BRMS1L: variants seen among roughly 807,000 people sequenced by gnomAD.
BRMS1L encodes BRMS1 like transcriptional repressor, also known as breast cancer metastasis-suppressor 1-like protein.
Under a neutral mutation model 50.3 loss-of-function variants are expected in BRMS1L, and 23 were observed. The ratio of observed to expected loss-of-function variants is 0.46; its 90% CI spans 0.33 to 0.65. The LOEUF (loss-of-function observed/expected upper bound fraction) is 0.65, where lower values mean the gene tolerates loss of function less well. Among genes scored for constraint, BRMS1L ranks in the 30% least tolerant of loss-of-function variants. The probability of loss-of-function intolerance (pLI) is 0.02; values close to 1 mark genes in which losing one functional copy is unlikely to be tolerated. For synonymous variants in BRMS1L, 114 were observed against 126.9 expected (o/e 0.90, Z 0.69); for missense variants, 286 against 386.1 (o/e 0.74, Z 2.17).
chr14:35,865,513 A>T (rs17103586), intron 7 of BRMS1L, among the ~76,000 whole-genome samples: 4,622 of 152,200 alleles, frequency 0.03, 190 homozygotes, highest in African/African-American at 0.088. Context: ...TATTTCAGGT[A>T]TTGAAAACAC....
intron 4 of BRMS1L, among the ~76,000 whole-genome samples, chr14:35,843,507 T>A (rs780188785): frequency 1.3e-5 from 2 of 152,216 alleles, no homozygotes; most frequent in Non-Finnish European, 2.9e-5. Flanking sequence ...TTATCACCAG[T>A]GGAGGCTGCA....
At chr14:35,864,026 T>C in intron 6 of BRMS1L, 73 bp downstream of exon 6, 1 of 1,144,678 alleles carries the variant, frequency 8.7e-7, no homozygotes, top group Non-Finnish European at 1.3e-6. Flanking sequence ...TTTATAACTT[T>C]TATTTGTAAA....
intron 4 of BRMS1L, among the ~76,000 whole-genome samples, chr14:35,861,057 G>T (rs1009862745): frequency 9.2e-5 from 14 of 152,142 alleles, no homozygotes; most frequent in Non-Finnish European, 1.8e-4. Context: ...TTCAGGGGAG[G>T]TTTTTGAGTG....
rs2077847114 is a variant in BRMS1L, at chr14:35,826,647, G to A, written c.131G>A (p.Gly44Glu). The change falls in exon 1 of 10, where the codon GGA (glycine) becomes GAA (glutamate). Residue 44 changes from glycine to glutamate, a missense_variant. Physicochemically the swap from Gly to Glu is moderately conservative, Grantham distance 98. This residue lies in a region of BRMS1L where 66 missense variants were observed against 67.8 expected (regional missense o/e 0.97). Transcript: ENST00000216807. ...DTESSSVSED[G>E]DSSEMDDEDC... ...GAGAGCTCGTCGGTCTCCGAGGATGGAGATAGCTCAGGTGCGCGACCCACT... is the reference window on the plus strand; with the variant it reads ...GAGAGCTCGTCGGTCTCCGAGGATGAAGATAGCTCAGGTGCGCGACCCACT... The A allele has an allele frequency of 6.2e-7, 1 of 1,612,222 alleles. No individual in the cohort carries two copies. Among genetic ancestry groups the A allele is most frequent in the East Asian group, 2.2e-5 (1 of 44,828 alleles).
At position 35,870,979 on chromosome 14, in the gene BRMS1L, T is replaced by G. The variant is rs1403267589; in HGVS notation, c.*502T>G. The G allele has an allele frequency of 6.5e-6, 1 of 152,682 alleles. No individual in the cohort carries two copies. Among genetic ancestry groups the G allele is most frequent in the African/African-American group, 2.4e-5 (1 of 41,464 alleles). 9.5% of individuals were successfully genotyped at this position (152,682 alleles called of 1,614,324 possible). ...ATGTATATATGGCATCATCAGCTTA[T>G]TTAGAACTGATGGCCATACCTTACA... On this transcript the variant is annotated 3_prime_UTR_variant, in exon 10 of 10. Coordinates refer to ENST00000216807, the MANE Select transcript of BRMS1L (RefSeq NM_032352.4).
In BRMS1L at chr14:35,853,025, G is replaced by T. The variant is rs1376438716; in HGVS notation, c.442-9565G>T. On this transcript the variant is annotated intron_variant, in intron 4 of 9. Transcript: ENST00000216807. ...ATCTATCTATCTATCTATATATAGAGAGAGAGACTTATCATACTCACACAT... is the reference window on the plus strand; with the variant it reads ...ATCTATCTATCTATCTATATATAGATAGAGAGACTTATCATACTCACACAT... Among the ~76,000 whole-genome samples the T allele has an allele frequency of 5.1e-3, 612 of 120,730 alleles. 4 individuals are homozygous for T. The highest frequency in any genetic ancestry group is 0.023 in the African/African-American group (577 of 24,580). The allele number at this position is 120,730 out of a possible 152,430, so 79.2% of individuals were successfully genotyped here.
intron 3 of BRMS1L, 111 bp downstream of exon 3, chr14:35,833,216 A>G (rs2077947815): frequency 4.5e-6 from 5 of 1,105,444 alleles, no homozygotes; most frequent in Non-Finnish European, 3.7e-6. Context: ...GCATATTTAC[A>G]TCGACCAGAA....
At chr14:35,840,510 TG>T (rs34025089) in intron 4 of BRMS1L, among the ~76,000 whole-genome samples, 25,255 of 152,152 alleles carry the variant, frequency 0.17, 2,167 homozygotes, top group East Asian at 0.33. Context: ...GGGCTTTTTT[TG>T]GTTGGTAGGC....
intron 4 of BRMS1L, among the ~76,000 whole-genome samples, chr14:35,858,007 GA>G (rs1232336525): frequency 9.0e-6 from 1 of 111,442 alleles, no homozygotes; most frequent in Non-Finnish European, 1.9e-5. Context: ...ATGGACTCAA[GA>G]AAAGTAAAAA....
chr14:35,866,908 A>G (rs2078429297), intron 8 of BRMS1L, among the ~76,000 whole-genome samples: 1 of 152,092 alleles, frequency 6.6e-6, no homozygotes, highest in Non-Finnish European at 1.5e-5. Context: ...TCCCACTCTT[A>G]TCTTCAGCAT....
intron 4 of BRMS1L, among the ~76,000 whole-genome samples, chr14:35,845,746 C>T (rs10140970): frequency 0.061 from 9,346 of 152,162 alleles, 602 homozygotes; most frequent in African/African-American, 0.15. Flanking sequence ...CACATACACA[C>T]ACACACATTT....
intron 4 of BRMS1L, among the ~76,000 whole-genome samples, chr14:35,853,428 A>AT (rs1737019548): frequency 6.6e-6 from 1 of 151,766 alleles, no homozygotes; most frequent in Admixed American, 6.6e-5. Context: ...GATAATGATG[A>AT]TTTTTTGAGA....
chr14:35,837,653 C>T (rs769346776), intron 4 of BRMS1L, among the ~76,000 whole-genome samples: 39 of 151,974 alleles, frequency 2.6e-4, no homozygotes, highest in Non-Finnish European at 4.3e-4. Flanking sequence ...CGAGTTCAAG[C>T]GATTCTCCTG....
chr14:35,841,684 T>C (rs1276789998), intron 4 of BRMS1L, among the ~76,000 whole-genome samples: 1 of 152,238 alleles, frequency 6.6e-6, no homozygotes, highest in Non-Finnish European at 1.5e-5. Flanking sequence ...TGTAGATGTC[T>C]GTTAGGTCTC....
At chr14:35,848,551 C>T in intron 4 of BRMS1L, among the ~76,000 whole-genome samples, 1 of 152,066 alleles carries the variant, frequency 6.6e-6, no homozygotes, top group African/African-American at 2.4e-5. Context: ...AGTAGATCTC[C>T]AGAGCTTATT....
intron 4 of BRMS1L, among the ~76,000 whole-genome samples, chr14:35,838,029 C>G (rs1214790388): frequency 2.6e-5 from 4 of 152,164 alleles, no homozygotes; most frequent in Non-Finnish European, 4.4e-5. Flanking sequence ...CCCTAGCCCT[C>G]CACCCTCCCA....
intron 4 of BRMS1L, among the ~76,000 whole-genome samples, chr14:35,841,006 C>T (rs891627618): frequency 6.6e-6 from 1 of 152,194 alleles, no homozygotes; most frequent in Non-Finnish European, 1.5e-5. Context: ...AATTTTCCCT[C>T]TAAACACTGC....
chr14:35,847,816 A>G (rs573028286), intron 4 of BRMS1L, among the ~76,000 whole-genome samples: 23 of 152,272 alleles, frequency 1.5e-4, no homozygotes, highest in Admixed American at 1.2e-3. Context: ...ATCATCCACT[A>G]TTTTCCTCCG....
chr14:35,856,519 ATGTC>A (rs2078280595), intron 4 of BRMS1L, among the ~76,000 whole-genome samples: 1 of 152,046 alleles, frequency 6.6e-6, no homozygotes, highest in Non-Finnish European at 1.5e-5. Context: ...ACATTAGTAA[ATGTC>A]TGTCGAGAAA....
Sources: allele counts gnomAD v4.1 joint callset (sites outside exome capture counted in the v4.1 genomes callset), GRCh38; gene constraint gnomAD v4.1.1; regional missense constraint gnomAD v4.1.1; transcripts MANE v1.5; gene names NCBI Gene and HGNC (gene_info 2026-07-23, HGNC 2026-07-21).